The following LARP4B variants were observed in gnomAD, a reference collection of about 807,000 sequenced individuals.
LARP4B encodes La ribonucleoprotein 4B.
A neutral mutation model predicts 89.8 loss-of-function variants in LARP4B; 12 were observed. That is an observed-to-expected ratio of 0.13 (90% CI 0.09 to 0.22). The LOEUF is 0.22. Among genes scored for constraint, LARP4B ranks in the 10% least tolerant of loss-of-function variants. The pLI is 1.00. For missense variants in LARP4B, 757 were observed against 947.7 expected (o/e 0.80, Z 2.64); for synonymous variants, 367 against 363.3 (o/e 1.01, Z -0.12).
At chr10:981,095 C>G in the LARP4B span, among the ~76,000 whole-genome samples, 5 of 152,198 alleles carry the variant, frequency 3.3e-5, no homozygotes, top group Non-Finnish European at 5.9e-5. Flanking sequence ...TCCACAGATC[C>G]CCAGGGCACG....
At chr10:871,784 A>T (rs2131880102) in intron 3 of LARP4B, among the ~76,000 whole-genome samples, 1 of 152,284 alleles carries the variant, frequency 6.6e-6, no homozygotes, top group African/African-American at 2.4e-5. Flanking sequence ...AATTCTATCT[A>T]GACCAACAGG....
chr10:873,048 TG>T (rs1835303914), intron 3 of LARP4B: 7 of 985,396 alleles, frequency 7.1e-6, no homozygotes, highest in Non-Finnish European at 8.4e-6. Context: ...TTACTTATCT[TG>T]TTTTCTGGTT....
intron 5 of LARP4B, among the ~76,000 whole-genome samples, chr10:846,514 G>A (rs1483617938): frequency 6.6e-6 from 1 of 152,168 alleles, no homozygotes; most frequent in East Asian, 1.9e-4. Context: ...GGCCTCTCAA[G>A]GGGTAGAGTC....
intron 12 of LARP4B, 62 bp from the exon 13 acceptor site, chr10:825,378 C>T: frequency 6.6e-7 from 1 of 1,507,126 alleles, no homozygotes; most frequent in East Asian, 2.3e-5. Flanking sequence ...ACATAACATG[C>T]ATACTGACAT....
At chr10:884,269 A>G (rs113912382) in intron 3 of LARP4B, among the ~76,000 whole-genome samples, 178 bp downstream of exon 3, 2,207 of 152,308 alleles carry the variant, frequency 0.014, 21 homozygotes, top group Middle Eastern at 0.051. Context: ...GAAAGGACAT[A>G]CAGTATTGAC....
intron 1 of LARP4B, among the ~76,000 whole-genome samples, chr10:909,256 T>A (rs1014964619): frequency 2.9e-5 from 4 of 136,874 alleles, no homozygotes; most frequent in Non-Finnish European, 4.5e-5. Context: ...ATCGCGCCAC[T>A]GCAATCCAGC....
chr10:877,113 C>A (rs953476107), intron 3 of LARP4B, among the ~76,000 whole-genome samples: 3 of 152,188 alleles, frequency 2.0e-5, no homozygotes, highest in Admixed American at 6.5e-5. Context: ...CTACCAAAAC[C>A]CTTCTGCCCT....
At chr10:838,606 C>T (rs745305659) in intron 7 of LARP4B, among the ~76,000 whole-genome samples, 3 of 152,264 alleles carry the variant, frequency 2.0e-5, no homozygotes, top group Admixed American at 6.5e-5. Context: ...CAAACAATGA[C>T]ACCACCAAAT....
chr10:918,632 C>CAAAAAAA (rs57396015), intron 1 of LARP4B, among the ~76,000 whole-genome samples: 2 of 48,372 alleles, frequency 4.1e-5, no homozygotes, highest in African/African-American at 7.6e-5. Flanking sequence ...GACCCTGTCT[C>CAAAAAAA]AAAAAAAAAA....
At chr10:897,515 C>G (rs1247481617) in intron 1 of LARP4B, among the ~76,000 whole-genome samples, 1 of 152,160 alleles carries the variant, frequency 6.6e-6, no homozygotes, top group Non-Finnish European at 1.5e-5. Flanking sequence ...AAAAAATACA[C>G]TGGATTTCAT....
chr10:933,317 T>G (rs550196901), upstream of LARP4B, among the ~76,000 whole-genome samples: 29 of 152,344 alleles, frequency 1.9e-4, no homozygotes, highest in African/African-American at 6.7e-4. Context: ...TACAGGGTCT[T>G]GCTCTATGCA....
At chr10:863,177 G>T (rs1039029436) in intron 5 of LARP4B, among the ~76,000 whole-genome samples, 48 of 150,772 alleles carry the variant, frequency 3.2e-4, no homozygotes, top group African/African-American at 1.1e-3. Flanking sequence ...CAACATTAAC[G>T]TTCCACCTCT....
At chr10:942,945 CTTTT>C in the LARP4B span, among the ~76,000 whole-genome samples, 2 of 132,884 alleles carry the variant, frequency 1.5e-5, no homozygotes, top group Admixed American at 7.6e-5. Flanking sequence ...AAGCTGACTT[CTTTT>C]TTTTTTTTTT....
intron 7 of LARP4B, 22 bp downstream of exon 7, chr10:842,910 A>G: frequency 6.2e-7 from 1 of 1,608,850 alleles, no homozygotes; most frequent in Non-Finnish European, 8.5e-7. Context: ...AGTATTATTA[A>G]TTTAAATTGT....
chr10:879,405 G>C (rs968209060), intron 3 of LARP4B, among the ~76,000 whole-genome samples: 4 of 152,192 alleles, frequency 2.6e-5, no homozygotes, highest in African/African-American at 9.7e-5. Flanking sequence ...ATCATGCTGA[G>C]GTAAAGGCAG....
chr10:909,059 C>T lies in LARP4B; in HGVS notation c.-40+22369G>A, dbSNP rs528059452. 3.3e-5 allele frequency among the ~76,000 whole-genome samples: 5 copies of T among 152,254 alleles called. No homozygotes were observed. In the East Asian group the frequency reaches 5.8e-4, roughly 18 times the overall value. On this transcript the variant is annotated intron_variant, in intron 1 of 17. Transcript: ENST00000316157. ...CCTGTAATCCCAGCACTTTGGGAGG[C>T]TGAGGCGGGCAGATCACAAGGTCAG...
chr10:934,071 A>G (rs1354966280), upstream of LARP4B, among the ~76,000 whole-genome samples: 2 of 151,850 alleles, frequency 1.3e-5, no homozygotes, highest in African/African-American at 2.4e-5. Context: ...TGACCTCGTG[A>G]TCCGCCTGCC....
intron 3 of LARP4B, among the ~76,000 whole-genome samples, chr10:875,342 G>A (rs1350647266): frequency 1.3e-5 from 2 of 152,164 alleles, no homozygotes; most frequent in Non-Finnish European, 2.9e-5. Flanking sequence ...TAAGTAGTTG[G>A]AATAGAATCT....
At chr10:905,885 C>A (rs1057082808) in intron 1 of LARP4B, among the ~76,000 whole-genome samples, 1 of 152,188 alleles carries the variant, frequency 6.6e-6, no homozygotes, top group South Asian at 2.1e-4. Flanking sequence ...GTGGAACAGA[C>A]CAGCCTTTCC....
Sources: gnomAD v4.1 joint callset for allele counts (sites outside exome capture counted in the v4.1 genomes callset) on GRCh38, gnomAD v4.1.1 for gene constraint, MANE v1.5 for transcripts, NCBI Gene and HGNC (gene_info 2026-07-23, HGNC 2026-07-21) for gene names.